Variants in OVCH1 observed in about 807,000 individuals in gnomAD.
OVCH1 encodes ovochymase-1.
OVCH1 carries 139 observed loss-of-function variants against 138.4 expected under a neutral mutation model. That is an observed-to-expected ratio of 1.00 (90% CI 0.87 to 1.16). The LOEUF (loss-of-function observed/expected upper bound fraction) is 1.16, where lower values mean the gene tolerates loss of function less well. Among genes scored for constraint, OVCH1 ranks in the 50% most tolerant of loss-of-function variants. The pLI, the probability that OVCH1 is intolerant of heterozygous loss-of-function variation, is 0.00. For synonymous variants in OVCH1, 453 were observed against 467.8 expected (o/e 0.97, Z 0.41); for missense variants, 1,367 against 1,357.9 (o/e 1.01, Z -0.11).
chr12:29,443,590 T>C (rs1941541775), intron 24 of OVCH1, 90 bp from the exon 25 acceptor site: 1 of 1,299,770 alleles, frequency 7.7e-7, no homozygotes, highest in Non-Finnish European at 1.0e-6. Context: ...ATCAATGTTA[T>C]TGACCCCCAG....
intron 23 of OVCH1, among the ~76,000 whole-genome samples, chr12:29,444,655 G>A (rs575606043): frequency 1.3e-5 from 2 of 151,976 alleles, no homozygotes; most frequent in African/African-American, 4.8e-5. Flanking sequence ...CAAATATACA[G>A]TATACACAGG....
intron 26 of OVCH1, among the ~76,000 whole-genome samples, chr12:29,435,585 A>AC (rs1941343973): frequency 6.6e-6 from 1 of 151,972 alleles, no homozygotes; most frequent in Non-Finnish European, 1.5e-5. Flanking sequence ...TGATCTCCTG[A>AC]CCCCGTGATC....
At chr12:29,445,891 G>A (rs1345063957) in intron 22 of OVCH1, among the ~76,000 whole-genome samples, 1 of 152,062 alleles carries the variant, frequency 6.6e-6, no homozygotes, top group Admixed American at 6.6e-5. Context: ...TCAGAGGGCT[G>A]ATTAAGCATG....
chr12:29,441,422 GA>G (rs1206761265), intron 25 of OVCH1, among the ~76,000 whole-genome samples: 2 of 152,164 alleles, frequency 1.3e-5, no homozygotes, highest in African/African-American at 4.8e-5. Context: ...GCCATATGGA[GA>G]AAGCTGAAAC....
At chr12:29,433,307 A>G (rs80158191) in intron 27 of OVCH1, among the ~76,000 whole-genome samples, 3,438 of 152,226 alleles carry the variant, frequency 0.023, 115 homozygotes, top group African/African-American at 0.078. Flanking sequence ...GTGATTATGA[A>G]TAAGTCTCAC....
intron 25 of OVCH1, among the ~76,000 whole-genome samples, chr12:29,441,420 G>T (rs979824980): frequency 1.1e-4 from 16 of 152,044 alleles, no homozygotes; most frequent in South Asian, 2.1e-4. Flanking sequence ...TAGCCATATG[G>T]AGAAAGCTGA....
chr12:29,408,761 A>G (rs566553436), downstream of OVCH1, among the ~76,000 whole-genome samples: 2 of 149,200 alleles, frequency 1.3e-5, no homozygotes, highest in South Asian at 4.4e-4. Context: ...ATATTGGTCT[A>G]AAATTCTCTT....
intron 7 of OVCH1, 34 bp downstream of exon 7, chr12:29,487,659 T>A (rs371361824): frequency 6.5e-7 from 1 of 1,540,084 alleles, no homozygotes; most frequent in African/African-American, 1.4e-5. Context: ...TACCCTTGAG[T>A]TAGGATGAGA....
chr12:29,473,146 T>C, intron 14 of OVCH1, 43 bp from the exon 15 acceptor site: 2 of 1,399,928 alleles, frequency 1.4e-6, no homozygotes, highest in Non-Finnish European at 2.0e-6. Context: ...TTAGAGAAGT[T>C]GCACTAACTG....
intron 8 of OVCH1, among the ~76,000 whole-genome samples, 140 bp downstream of exon 9, chr12:29,484,573 T>C (rs991029053): frequency 6.6e-5 from 10 of 152,124 alleles, no homozygotes; most frequent in Non-Finnish European, 1.0e-4. Context: ...GAAGATCCCT[T>C]GAGCCCAGGA....
downstream of OVCH1, among the ~76,000 whole-genome samples, chr12:29,409,178 G>A (rs926129677): frequency 1.9e-4 from 29 of 152,074 alleles, no homozygotes; most frequent in East Asian, 9.6e-4. Context: ...TTTTTATTGC[G>A]TCTATTTGAT....
At chr12:29,497,590 C>T in intron 1 of OVCH1, 33 bp downstream of exon 1, 2 of 1,612,224 alleles carry the variant, frequency 1.2e-6, no homozygotes, top group Non-Finnish European at 8.5e-7. Flanking sequence ...TCAGCCTCCT[C>T]CGCAGTCCTG....
chr12:29,482,527 C>T (rs1416961998), intron 8 of OVCH1, among the ~76,000 whole-genome samples: 1 of 152,170 alleles, frequency 6.6e-6, no homozygotes, highest in Non-Finnish European at 1.5e-5. Flanking sequence ...CCCACAAAGG[C>T]AAACATTTTT....
At chr12:29,414,343 T>C (rs539253251) in intron 3 of OVCH1, among the ~76,000 whole-genome samples, 3 of 152,296 alleles carry the variant, frequency 2.0e-5, no homozygotes, top group Admixed American at 2.0e-4. Flanking sequence ...TTTCTTATTC[T>C]GATTTTTTTC....
At position 29,451,242 on chromosome 12, in the gene OVCH1, A is replaced by G. The variant is rs1941785773; in HGVS notation, c.2755+103T>C. 8 of 824,470 alleles carry G rather than the reference A, an allele frequency of 9.7e-6. No individual in the cohort carries two copies. In the South Asian group the frequency reaches 1.3e-4, roughly 13 times the overall value. 51.1% of individuals were successfully genotyped at this position (824,470 alleles called of 1,614,324 possible). On this transcript the variant is annotated intron_variant, in intron 22 of 27. Coordinates refer to ENST00000318184, the Ensembl canonical transcript of OVCH1. ...AAAAGCATTCCTATTACATGGATCA[A>G]CATTTTGGTAACATTATTACCAAGT...
At chr12:29,425,043 T>C (rs1206095601), downstream of OVCH1, among the ~76,000 whole-genome samples, 1 of 152,132 alleles carries the variant, frequency 6.6e-6, no homozygotes, top group African/African-American at 2.4e-5. Context: ...CTAGGGGGAA[T>C]GGGATGAACT....
At chr12:29,441,224 A>G (rs1411689157) in intron 25 of OVCH1, among the ~76,000 whole-genome samples, 1 of 152,200 alleles carries the variant, frequency 6.6e-6, no homozygotes, top group African/African-American at 2.4e-5. Flanking sequence ...AAACTATACT[A>G]CAAGGCTACA....
chr12:29,441,946 G>A (rs993934202), intron 25 of OVCH1, among the ~76,000 whole-genome samples: 23 of 152,068 alleles, frequency 1.5e-4, no homozygotes, highest in African/African-American at 5.1e-4. Context: ...CAGTCAGAAT[G>A]GCGATCATTA....
downstream of OVCH1, among the ~76,000 whole-genome samples, chr12:29,408,962 A>G (rs1230307157): frequency 1.3e-5 from 2 of 152,220 alleles, no homozygotes; most frequent in East Asian, 3.9e-4. Flanking sequence ...TTGGTAAGCT[A>G]TTGATTATTG....
Sources: allele counts gnomAD v4.1 joint callset (sites outside exome capture counted in the v4.1 genomes callset), GRCh38; gene constraint gnomAD v4.1.1; transcripts MANE v1.5; gene names NCBI Gene and HGNC (gene_info 2026-07-23, HGNC 2026-07-21).